Variants in SMCO2 observed in about 807,000 individuals in gnomAD.
SMCO2 encodes the protein single-pass membrane protein with coiled-coil domains 2.
In SMCO2, 25 loss-of-function variants were observed where a neutral mutation model predicts 29.5. The observed-to-expected ratio is 0.85, with a 90% CI of 0.62 to 1.18. The LOEUF is 1.18. Among genes scored for constraint, SMCO2 ranks in the 50% most tolerant of loss-of-function variants. The pLI, the probability that SMCO2 is intolerant of heterozygous loss-of-function variation, is 0.00. For synonymous variants in SMCO2, 117 were observed against 123.3 expected (o/e 0.95, Z 0.34); for missense variants, 348 against 344.5 (o/e 1.01, Z -0.08).
chr12:27,477,956 G>A (rs1365645311), intron 4 of SMCO2, among the ~76,000 whole-genome samples: 1 of 152,072 alleles, frequency 6.6e-6, no homozygotes, highest in African/African-American at 2.4e-5. Context: ...CTTTGGAGAT[G>A]TCATGTTTCC....
chr12:27,457,099 G>A, the SMCO2 span, among the ~76,000 whole-genome samples: 34 of 151,948 alleles, frequency 2.2e-4, no homozygotes, highest in Non-Finnish European at 4.3e-4. Context: ...GTGCCAAAAC[G>A]GTTGGGGACC....
At chr12:27,434,693 C>A in the SMCO2 span, among the ~76,000 whole-genome samples, 1 of 152,160 alleles carries the variant, frequency 6.6e-6, no homozygotes, top group African/African-American at 2.4e-5. Flanking sequence ...CTAGTAATAT[C>A]TGTGGCAGCT....
the SMCO2 span, among the ~76,000 whole-genome samples, chr12:27,443,344 T>C: frequency 6.6e-6 from 1 of 151,852 alleles, no homozygotes; most frequent in East Asian, 1.9e-4. Flanking sequence ...TCCTCAAAAA[T>C]GGGTATAGAA....
chr12:27,493,995 G>GT (rs549323919), intron 5 of SMCO2: 131 of 177,084 alleles, frequency 7.4e-4, no homozygotes, highest in African/African-American at 2.9e-3. Context: ...CCTGGTAGAA[G>GT]TTTTTTAAGG....
At chr12:27,433,848 C>T in the SMCO2 span, among the ~76,000 whole-genome samples, 192 of 152,268 alleles carry the variant, frequency 1.3e-3, 2 homozygotes, top group Non-Finnish European at 4.0e-4. Context: ...CTCAAGAGGT[C>T]ATAGAAAATA....
At chr12:27,452,572 C>G in the SMCO2 span, among the ~76,000 whole-genome samples, 754 of 152,296 alleles carry the variant, frequency 5.0e-3, 6 homozygotes, top group African/African-American at 0.017. Flanking sequence ...TTACTGCAGC[C>G]TTGACCTCTT....
intron 7 of SMCO2, chr12:27,498,338 C>A: frequency 4.4e-6 from 1 of 226,342 alleles, no homozygotes; most frequent in South Asian, 7.7e-5. Context: ...GAAACTAGGC[C>A]ATGGCATTTT....
the SMCO2 span, among the ~76,000 whole-genome samples, chr12:27,429,283 A>T: frequency 3.3e-5 from 5 of 152,262 alleles, no homozygotes; most frequent in African/African-American, 1.2e-4. Context: ...AAATCACCTA[A>T]TAAAAAATTT....
At chr12:27,454,015 C>T in the SMCO2 span, among the ~76,000 whole-genome samples, 1 of 152,104 alleles carries the variant, frequency 6.6e-6, no homozygotes, top group African/African-American at 2.4e-5. Context: ...GACAGGGTCT[C>T]ACTCTGTCAC....
At chr12:27,465,765 A>G (rs531645620), upstream of SMCO2, among the ~76,000 whole-genome samples, 7 of 152,326 alleles carry the variant, frequency 4.6e-5, no homozygotes, top group South Asian at 4.1e-4. Flanking sequence ...AGACAAAGAG[A>G]TTAAATTTTG....
chr12:27,482,009 C>CTT (rs3051857), intron 4 of SMCO2, among the ~76,000 whole-genome samples: 17,321 of 142,680 alleles, frequency 0.12, 1,962 homozygotes, highest in African/African-American at 0.28. Flanking sequence ...TTTGATTCTG[C>CTT]TTTTTTTTTT....
chr12:27,460,406 T>G, the SMCO2 span, among the ~76,000 whole-genome samples: 2 of 152,274 alleles, frequency 1.3e-5, no homozygotes, highest in Middle Eastern at 3.4e-3. Context: ...TAACACAGAT[T>G]TTGTACGTTA....
chr12:27,492,743 A>G (rs140388946), intron 5 of SMCO2, among the ~76,000 whole-genome samples: 1,680 of 152,298 alleles, frequency 0.011, 37 homozygotes, highest in African/African-American at 0.039. Context: ...GGGAGTGTAA[A>G]TTAGTTCAAC....
chr12:27,501,288 C>T (rs567502138), intron 7 of SMCO2, among the ~76,000 whole-genome samples: 1 of 148,102 alleles, frequency 6.8e-6, no homozygotes, highest in Non-Finnish European at 1.5e-5. Flanking sequence ...TGGTGGTGGG[C>T]GCCTGTAATC....
chr12:27,497,417 C>A, intron 7 of SMCO2: 1 of 219,966 alleles, frequency 4.5e-6, no homozygotes, highest in South Asian at 8.2e-5. Flanking sequence ...TGTGTTGGTC[C>A]CAGGATGTTC....
the SMCO2 span, chr12:27,423,664 T>G: frequency 1.3e-5 from 2 of 152,188 alleles, no homozygotes; most frequent in African/African-American, 4.8e-5. Flanking sequence ...GAATTACCAC[T>G]ACAGTAATGT....
chr12:27,480,581 G>A (rs1452269600), intron 4 of SMCO2, among the ~76,000 whole-genome samples: 2 of 152,154 alleles, frequency 1.3e-5, no homozygotes, highest in Admixed American at 6.5e-5. Flanking sequence ...CCTAGTGGGA[G>A]GTGTCTAAGT....
the SMCO2 span, among the ~76,000 whole-genome samples, chr12:27,426,497 CTT>C: frequency 6.6e-6 from 1 of 152,190 alleles, no homozygotes; most frequent in East Asian, 1.9e-4. Context: ...GTAAAGTAGA[CTT>C]CATTTGTAAA....
At chr12:27,448,343 G>A in the SMCO2 span, among the ~76,000 whole-genome samples, 1 of 152,196 alleles carries the variant, frequency 6.6e-6, no homozygotes, top group Non-Finnish European at 1.5e-5. Flanking sequence ...AAAGAAGAGT[G>A]CCCTCCGCCT....
Sources: gnomAD v4.1 joint callset for allele counts (sites outside exome capture counted in the v4.1 genomes callset) on GRCh38, gnomAD v4.1.1 for gene constraint, MANE v1.5 for transcripts, NCBI Gene and HGNC (gene_info 2026-07-23, HGNC 2026-07-21) for gene names.